RAD51: variants seen among roughly 807,000 people sequenced by gnomAD.
RAD51 encodes RAD51 recombinase.
RAD51 carries 14 observed loss-of-function variants against 41.5 expected under a neutral mutation model. The ratio of observed to expected loss-of-function variants is 0.34; its 90% CI spans 0.22 to 0.53. RAD51 has a LOEUF of 0.53. Ranked by LOEUF, RAD51 falls within the 20% of genes least tolerant of loss-of-function variation. RAD51 has a pLI of 0.95. For missense variants in RAD51, 234 were observed against 422.0 expected, an observed-to-expected ratio of 0.55 and a Z score of 3.90; for synonymous variants, 136 against 148.6, an observed-to-expected ratio of 0.92 and a Z score of 0.62.
chr15:40,694,983 C>G (rs1350896375), upstream of RAD51: 1 of 152,340 alleles, frequency 6.6e-6, no homozygotes, highest in Non-Finnish European at 1.5e-5. Context: ...AGCCACCGCC[C>G]CCGGCATAAA....
At chr15:40,727,699 A>C (rs988098204) in intron 6 of RAD51, among the ~76,000 whole-genome samples, 1 of 151,910 alleles carries the variant, frequency 6.6e-6, no homozygotes, top group Non-Finnish European at 1.5e-5. Flanking sequence ...TTCACCATAC[A>C]TTCATGATCT....
chr15:40,724,836 A>G (rs1212945239), intron 6 of RAD51, among the ~76,000 whole-genome samples: 31 of 117,094 alleles, frequency 2.6e-4, no homozygotes, highest in African/African-American at 8.8e-4. Flanking sequence ...CCGCCACCAC[A>G]CCCGGCTAAT....
At chr15:40,711,977 C>T (rs45495293) in intron 5 of RAD51, among the ~76,000 whole-genome samples, 75,054 of 150,994 alleles carry the variant, frequency 0.5, 19,460 homozygotes, top group East Asian at 0.77. Flanking sequence ...GAGGTGGAGG[C>T]GGGAGAATCG....
intron 5 of RAD51, among the ~76,000 whole-genome samples, chr15:40,710,577 A>G (rs962454091): frequency 6.6e-6 from 1 of 152,090 alleles, no homozygotes; most frequent in African/African-American, 2.4e-5. Context: ...TTAACATTCA[A>G]AACTTCTTGG....
Position 40,731,297 on chromosome 15 carries a change from G to A in RAD51, c.*119G>A, listed in dbSNP as rs564610977. On this transcript the variant is annotated 3_prime_UTR_variant, in exon 10 of 10. Transcript: ENST00000267868. ...GTGACTGCCAGGATAAAGCTTCCGGGAAAACAGCTATTATATCAGCTTTTC... is the reference window on the plus strand; with the variant it reads ...GTGACTGCCAGGATAAAGCTTCCGGAAAAACAGCTATTATATCAGCTTTTC... 168 of 1,367,484 alleles carry A rather than the reference G, an allele frequency of 1.2e-4. 3 individuals are homozygous for A. The South Asian group carries it at 2.0e-3, about 16-fold the overall frequency. The allele number at this position is 1,367,484 out of a possible 1,614,324, so 84.7% of individuals were successfully genotyped here. A position where few individuals can be genotyped will look rare whatever the true frequency, so the allele number is the denominator to read the frequency against.
chr15:40,722,605 A>G (rs45439492), intron 6 of RAD51, among the ~76,000 whole-genome samples: 10 of 152,178 alleles, frequency 6.6e-5, no homozygotes, highest in African/African-American at 2.4e-4. Context: ...ATGGTTGCAC[A>G]GCAGCATGAA....
intron 3 of RAD51, among the ~76,000 whole-genome samples, chr15:40,703,753 G>C (rs973815331): frequency 6.6e-6 from 1 of 151,552 alleles, no homozygotes; most frequent in African/African-American, 2.4e-5. Context: ...TGTCAATTTT[G>C]TTGATATTTT....
intron 7 of RAD51, 109 bp downstream of exon 7, chr15:40,728,933 T>C (rs1189471809): frequency 2.1e-6 from 2 of 940,588 alleles, no homozygotes; most frequent in Non-Finnish European, 3.4e-6. Context: ...ATGAGGAGGT[T>C]TAAGTATAAT....
intron 6 of RAD51, among the ~76,000 whole-genome samples, chr15:40,726,816 G>A (rs1336673465): frequency 1.3e-5 from 2 of 151,940 alleles, no homozygotes; most frequent in East Asian, 3.9e-4. Flanking sequence ...GGGAGGCTGA[G>A]GCAGGAGAAT....
At chr15:40,696,495 G>A (rs1894642923) in intron 1 of RAD51, among the ~76,000 whole-genome samples, 1 of 152,106 alleles carries the variant, frequency 6.6e-6, no homozygotes, top group Non-Finnish European at 1.5e-5. Context: ...ATCTAGCCTG[G>A]GAGGTATAAG....
At chr15:40,699,374 C>T (rs1348691596) in intron 2 of RAD51, among the ~76,000 whole-genome samples, 5 of 152,218 alleles carry the variant, frequency 3.3e-5, no homozygotes, top group Non-Finnish European at 7.3e-5. Flanking sequence ...AACTCCTGAC[C>T]TCAGGTGATC....
intron 9 of RAD51, among the ~76,000 whole-genome samples, chr15:40,730,277 A>G (rs1455099400): frequency 6.6e-6 from 1 of 152,136 alleles, no homozygotes; most frequent in African/African-American, 2.4e-5. Flanking sequence ...TGGGAGGCCA[A>G]GGTGATAGGA....
chr15:40,714,840 A>G (rs969704523), intron 5 of RAD51, among the ~76,000 whole-genome samples: 3 of 152,204 alleles, frequency 2.0e-5, no homozygotes, highest in African/African-American at 4.8e-5. Context: ...TTAGGTTACA[A>G]AATGAATTAG....
At chr15:40,697,203 C>A (rs540708403) in intron 1 of RAD51, among the ~76,000 whole-genome samples, 2 of 152,144 alleles carry the variant, frequency 1.3e-5, no homozygotes, top group East Asian at 3.8e-4. Flanking sequence ...CGGGTTCAAG[C>A]GATTCTCCTG....
intron 5 of RAD51, among the ~76,000 whole-genome samples, chr15:40,709,891 G>A (rs1166974196): frequency 1.3e-5 from 2 of 151,964 alleles, no homozygotes; most frequent in African/African-American, 4.8e-5. Flanking sequence ...GGCCAGGCAC[G>A]GTGGCTCACG....
chr15:40,719,217 C>A (rs1177207083), intron 6 of RAD51, among the ~76,000 whole-genome samples: 1 of 151,876 alleles, frequency 6.6e-6, no homozygotes, highest in African/African-American at 2.4e-5. Flanking sequence ...ACCACCACAC[C>A]CAGCTAATTT....
chr15:40,718,852 C>G lies in RAD51; in HGVS notation c.483C>G (p.Asp161Glu). ...GTGAAGGAAAGGCCATGTACATTGA[C>G]ACTGAGGGTACCTTTAGGCCAGAAC... ...GGGEGKAMYI[D>E]TEGTFRPERL... Residue 161 changes from aspartate to glutamate, a missense_variant, in exon 6 of 10, where the codon GAC becomes GAG. Around this residue, in one of 2 missense-constraint regions of RAD51, gnomAD observed 134 missense variants for 286.5 expected, o/e 0.47. Coordinates refer to ENST00000267868, the MANE Select transcript of RAD51 (RefSeq NM_002875.5). The G allele has an allele frequency of 6.2e-7, 1 of 1,613,648 alleles. No individual in the cohort carries two copies. Among genetic ancestry groups the G allele is most frequent in the Non-Finnish European group, 8.5e-7 (1 of 1,179,684 alleles).
Position 40,723,065 on chromosome 15 carries a change from A to G in RAD51, c.530+4166A>G, listed in dbSNP as rs189792257. 1.9e-3 allele frequency among the ~76,000 whole-genome samples: 295 copies of G among 152,340 alleles called. 1 individual carries two copies. The highest frequency in any genetic ancestry group is 6.7e-3 in the African/African-American group (279 of 41,580). On this transcript the variant is annotated intron_variant, in intron 6 of 9. Transcript: ENST00000267868. Reference sequence around the variant, plus strand: ...AAAGGATTTGAATAGACATCTCTCCAAAGAGGATATACAAATGGTTGATGA... The same window carrying G: ...AAAGGATTTGAATAGACATCTCTCCGAAGAGGATATACAAATGGTTGATGA...
chr15:40,709,124 G>C lies in RAD51; in HGVS notation c.435+8G>C. 1.2e-6 allele frequency: 2 copies of C among 1,604,876 alleles called. No homozygotes were observed. Among genetic ancestry groups the C allele is most frequent in the Non-Finnish European group, 1.7e-6 (2 of 1,171,686 alleles). ...CTAGCTGTCACCTGCCAGGTGAGCT[G>C]TTGGGGCTATAGCTAATCAAATAAG... On this transcript the variant is annotated splice_region_variant and intron_variant, in intron 5 of 9. Coordinates refer to ENST00000267868, the MANE Select transcript of RAD51 (RefSeq NM_002875.5).
Sources: allele counts gnomAD v4.1 joint callset (sites outside exome capture counted in the v4.1 genomes callset), GRCh38; gene constraint gnomAD v4.1.1; regional missense constraint gnomAD v4.1.1; transcripts MANE v1.5; gene names NCBI Gene and HGNC (gene_info 2026-07-23, HGNC 2026-07-21).